Variants in RPL28 observed in about 807,000 individuals in gnomAD.
The protein encoded by RPL28 is large ribosomal subunit protein eL28.
In RPL28, 4 loss-of-function variants were observed where a neutral mutation model predicts 12.5. The ratio of observed to expected loss-of-function variants is 0.32; its 90% confidence interval spans 0.16 to 0.73. The LOEUF is 0.73. Among genes scored for constraint, RPL28 ranks in the 30% least tolerant of loss-of-function variants. RPL28 has a pLI of 0.66. For missense variants in RPL28, 214 were observed against 197.7 expected (o/e 1.08, Z -0.49); for synonymous variants, 91 against 72.5 (o/e 1.26, Z -1.30).
chr19:55,388,276 A>G lies in RPL28; in HGVS notation c.358A>G (p.Ser120Gly). Residue 120 changes from serine to glycine, a missense_variant, in exon 5 of 5, where the codon AGC (serine) becomes GGC (glycine). Ser to Gly is a moderately conservative substitution (Grantham distance 56). Coordinates refer to ENST00000344063, the MANE Select transcript of RPL28 (RefSeq NM_000991.5). ...CCGCAGGGCCAGCGCCATCCTGCGC[A>G]GCCAGAAGCCTGTGATGGTGAAGAG... The part of the protein sequence containing the change: ...AIRRASAILR[S>G]QKPVMVKRKR... 6.3e-7 allele frequency: 1 copy of G among 1,582,308 alleles called. No individual in the cohort carries two copies. The highest frequency in any genetic ancestry group is 8.6e-7 in the Non-Finnish European group (1 of 1,164,816).
chr19:55,399,102 T>C (rs1176744267), intron 4 of RPL28, among the ~76,000 whole-genome samples: 1 of 151,892 alleles, frequency 6.6e-6, no homozygotes, highest in African/African-American at 2.4e-5. Flanking sequence ...ACCCTCACAC[T>C]TCCGCCTCCG....
At chr19:55,399,548 A>G (rs1385298664) in intron 4 of RPL28, among the ~76,000 whole-genome samples, 2 of 152,198 alleles carry the variant, frequency 1.3e-5, no homozygotes, top group African/African-American at 4.8e-5. Context: ...CTCAACCTTC[A>G]GCCCCTCTCT....
In RPL28 at chr19:55,401,702, G is replaced by A. The variant is rs1235935851; in HGVS notation, c.325-1241G>A. 2 of 1,613,374 alleles carry A rather than the reference G, an allele frequency of 1.2e-6. No homozygotes were observed. The highest frequency in any genetic ancestry group is 1.7e-6 in the Non-Finnish European group (2 of 1,180,014). On this transcript the variant is annotated intron_variant, in intron 4 of 4. Transcript: ENST00000560055. Reference sequence around the variant, plus strand: ...TCCTCGTAGTTCTCCAAGAGCAGGCGGCCCGCCTCCTCGTTGAGTGCAGAC... The same window carrying A: ...TCCTCGTAGTTCTCCAAGAGCAGGCAGCCCGCCTCCTCGTTGAGTGCAGAC...
At chr19:55,396,559 T>A (rs1428406280), downstream of RPL28, among the ~76,000 whole-genome samples, 1 of 7,630 alleles carries the variant, frequency 1.3e-4, no homozygotes, top group Admixed American at 2.0e-3. Flanking sequence ...TCCCCTCCCC[T>A]CCCCTCCCCT....
At position 55,389,119 on chromosome 19, in the gene RPL28, C is replaced by G. The variant is rs1228492160; in HGVS notation, c.*787C>G. 7.1e-6 allele frequency: 7 copies of G among 985,356 alleles called. No individual in the cohort carries two copies. The highest frequency in any genetic ancestry group is 1.7e-5 in the African/African-American group (1 of 57,230). The allele number at this position is 985,356 out of a possible 1,614,324, so 61.0% of individuals were successfully genotyped here. On this transcript the variant is annotated 3_prime_UTR_variant, in exon 5 of 5. Transcript: ENST00000344063. ...TTGTTTCCTTTGGCCTGTTTGCTCC[C>G]TAGTGTTTATTACAGCTTGTGAGGC...
chr19:55,387,072 T>G, intron 3 of RPL28: 1 of 1,424,172 alleles, frequency 7.0e-7, no homozygotes, highest in East Asian at 2.5e-5. Context: ...GCTACCACAC[T>G]TAGGAGGGGA....
downstream of RPL28, among the ~76,000 whole-genome samples, chr19:55,393,280 G>A (rs1381080618): frequency 1.0e-5 from 1 of 97,354 alleles, no homozygotes; most frequent in Non-Finnish European, 1.9e-5. Context: ...AGGAATAAAA[G>A]CCCAAACCTT....
chr19:55,403,174 G>A (rs569064028), exon 5 of RPL28: 1 of 679,368 alleles, frequency 1.5e-6, no homozygotes, highest in South Asian at 1.6e-5. Flanking sequence ...ACCCCTTGGG[G>A]GGCAAAATCA....
chr19:55,396,793 G>A (rs1366774135), downstream of RPL28, among the ~76,000 whole-genome samples: 3 of 150,410 alleles, frequency 2.0e-5, no homozygotes, highest in East Asian at 2.0e-4. Context: ...TGTTAGCCAG[G>A]ATGTTCTCGA....
downstream of RPL28, among the ~76,000 whole-genome samples, chr19:55,396,977 T>TCAAGC (rs1383080601): frequency 6.6e-6 from 1 of 151,892 alleles, no homozygotes; most frequent in Non-Finnish European, 1.5e-5. Context: ...CCTGCCAGGC[T>TCAAGC]CAAGCCATCC....
intron 4 of RPL28, chr19:55,400,806 GT>G (rs1272186989): frequency 6.5e-6 from 1 of 152,808 alleles, no homozygotes; most frequent in Non-Finnish European, 1.5e-5. Flanking sequence ...AGAAATACAT[GT>G]GGGAACAGGC....
chr19:55,387,514 C>G, intron 3 of RPL28: 1 of 1,444,188 alleles, frequency 6.9e-7, no homozygotes, highest in Non-Finnish European at 9.0e-7. Context: ...GACTAAGGGA[C>G]TGGCCTGAGT....
chr19:55,402,036 G>A (rs1023033151), intron 4 of RPL28, among the ~76,000 whole-genome samples: 2 of 152,200 alleles, frequency 1.3e-5, no homozygotes, highest in South Asian at 2.1e-4. Flanking sequence ...GGAACTTGCT[G>A]GGTAACGGGG....
At chr19:55,399,395 G>A (rs1383376296) in intron 4 of RPL28, among the ~76,000 whole-genome samples, 1 of 152,062 alleles carries the variant, frequency 6.6e-6, no homozygotes, top group Admixed American at 6.5e-5. Flanking sequence ...TTGAACTCCT[G>A]ACCTCAGGTG....
chr19:55,401,259 G>A (rs557441663), intron 4 of RPL28: 54 of 755,220 alleles, frequency 7.2e-5, no homozygotes, highest in Non-Finnish European at 1.0e-4. Flanking sequence ...CAGCGGTCCT[G>A]GGGCATCTGT....
chr19:55,394,551 G>A (rs892669900), downstream of RPL28, among the ~76,000 whole-genome samples: 92 of 151,966 alleles, frequency 6.1e-4, no homozygotes, highest in African/African-American at 2.2e-3. Flanking sequence ...GTGAGCCACT[G>A]CACCTAGCCC....
At chr19:55,395,066 C>T (rs1218088358), downstream of RPL28, among the ~76,000 whole-genome samples, 1 of 152,156 alleles carries the variant, frequency 6.6e-6, no homozygotes, top group Non-Finnish European at 1.5e-5. Flanking sequence ...AAACATTTGT[C>T]TCAAGGAAGG....
At chr19:55,394,840 A>C (rs781040817), downstream of RPL28, among the ~76,000 whole-genome samples, 12 of 152,184 alleles carry the variant, frequency 7.9e-5, no homozygotes, top group Admixed American at 2.0e-4. Flanking sequence ...TATAGGCGTG[A>C]GCCACTGTGC....
exon 5 of RPL28, chr19:55,403,051 G>C (rs1199476716): frequency 7.0e-7 from 1 of 1,419,408 alleles, no homozygotes; most frequent in East Asian, 2.5e-5. Flanking sequence ...CTGTGTCATG[G>C]AGCCATCTCG....
Sources: gnomAD v4.1 joint callset for allele counts (sites outside exome capture counted in the v4.1 genomes callset) on GRCh38, gnomAD v4.1.1 for gene constraint, MANE v1.5 for transcripts, NCBI Gene and HGNC (gene_info 2026-07-23, HGNC 2026-07-21) for gene names.